CFAP47: variants seen among roughly 807,000 people sequenced by gnomAD.
The protein encoded by CFAP47 is cilia- and flagella-associated protein 47.
Under a neutral mutation model 148.1 loss-of-function variants are expected in CFAP47, and 29 were observed. The ratio of observed to expected loss-of-function variants is 0.20; its 90% CI spans 0.15 to 0.27. The LOEUF is 0.27. CFAP47 is among the 10% of genes least tolerant of loss of function. The pLI is 1.00. For missense variants in CFAP47, 1,872 were observed against 1,697.5 expected, an observed-to-expected ratio of 1.10 and a Z score of -1.81; for synonymous variants, 664 against 577.3, an observed-to-expected ratio of 1.15 and a Z score of -2.15.
At chrX:36,235,223 G>A (rs889873249) in intron 46 of CFAP47, among the ~76,000 whole-genome samples, 3 of 112,088 alleles carry the variant, frequency 2.7e-5, no homozygotes, top group Admixed American at 1.9e-4. Flanking sequence ...CCCCAGAGGT[G>A]GAGCATACAG....
At chrX:36,334,768 T>C (rs1435391520) in intron 57 of CFAP47, among the ~76,000 whole-genome samples, 3 of 111,143 alleles carry the variant, frequency 2.7e-5, no homozygotes, top group Non-Finnish European at 5.7e-5. Flanking sequence ...AAATAGTTTT[T>C]CACTTGCCTT....
At chrX:36,065,829 T>C (rs930240972) in intron 27 of CFAP47, 86 bp downstream of exon 27, 1 of 514,470 alleles carries the variant, frequency 1.9e-6, no homozygotes, top group Non-Finnish European at 3.2e-6. Context: ...TTTAAAATTA[T>C]CAGTTGTTTA....
At chrX:36,183,379 C>T (rs938683809) in intron 40 of CFAP47, among the ~76,000 whole-genome samples, 2 of 111,456 alleles carry the variant, frequency 1.8e-5, no homozygotes, top group Admixed American at 9.5e-5. Flanking sequence ...GTGTACCCTC[C>T]ACCATGATAG....
intron 45 of CFAP47, among the ~76,000 whole-genome samples, chrX:36,216,957 C>T (rs924924841): frequency 1.9e-5 from 2 of 103,143 alleles, no homozygotes; most frequent in African/African-American, 7.9e-5. Flanking sequence ...GTATTAGTTC[C>T]GTAAAGGCAG....
At chrX:35,926,203 A>C (rs1569203163) in intron 2 of CFAP47, 35 bp downstream of exon 2, 6 of 1,063,451 alleles carry the variant, frequency 5.6e-6, no homozygotes, top group Non-Finnish European at 7.7e-6. Context: ...TGACATTTTG[A>C]ATACTCTTTA....
At chrX:36,065,140 T>C (rs1265242339) in intron 26 of CFAP47, among the ~76,000 whole-genome samples, 1 of 111,919 alleles carries the variant, frequency 8.9e-6, no homozygotes, top group Admixed American at 9.5e-5. Flanking sequence ...AATGACTGTA[T>C]TTAAATATTT....
chrX:36,081,434 A>G (rs1454404891), intron 29 of CFAP47, among the ~76,000 whole-genome samples: 1 of 111,511 alleles, frequency 9.0e-6, no homozygotes, highest in Non-Finnish European at 1.9e-5. Flanking sequence ...GCTGTTAACA[A>G]TTATACTGAT....
chrX:35,969,280 T>G (rs73629583), intron 10 of CFAP47, among the ~76,000 whole-genome samples: 1,179 of 111,413 alleles, frequency 0.011, 17 homozygotes, highest in African/African-American at 0.036. Context: ...TGTTGATAAT[T>G]GTAATTTCTA....
At chrX:36,015,116 G>T (rs1246801790) in intron 22 of CFAP47, among the ~76,000 whole-genome samples, 2 of 109,996 alleles carry the variant, frequency 1.8e-5, no homozygotes, top group Admixed American at 2.0e-4. Context: ...ATAATCTCTG[G>T]CAAGCAACTT....
intron 26 of CFAP47, among the ~76,000 whole-genome samples, chrX:36,055,195 T>C (rs935237651): frequency 9.1e-6 from 1 of 110,489 alleles, no homozygotes; most frequent in East Asian, 2.8e-4. Flanking sequence ...CAGGGGTACA[T>C]GTGCAGGATG....
intron 21 of CFAP47, among the ~76,000 whole-genome samples, chrX:36,007,256 G>A (rs1198670487): frequency 2.7e-5 from 3 of 111,866 alleles, no homozygotes; most frequent in South Asian, 3.7e-4. Flanking sequence ...CTTTCATAAC[G>A]ATTATTCTAG....
In CFAP47 at chrX:35,921,793, A is replaced by G. The variant is rs757065149; in HGVS notation, c.249+1745A>G. Among the ~76,000 whole-genome samples, 143 of 104,911 alleles carry G rather than the reference A, an allele frequency of 1.4e-3. 1 individual carries two copies. Among genetic ancestry groups the G allele is most frequent in the African/African-American group, 5.3e-3 (133 of 24,888 alleles). 91.1% of individuals were successfully genotyped at this position (104,911 alleles called of 115,157 possible). A position where few individuals can be genotyped will look rare whatever the true frequency, so the allele number is the denominator to read the frequency against. On this transcript the variant is annotated intron_variant, in intron 1 of 63. Coordinates refer to ENST00000378653, the MANE Select transcript of CFAP47 (RefSeq NM_001304548.2). The stretch of plus-strand genomic sequence containing the variant: ...AAAGTGCATCTTGTTGGGGTGGGGG[A>G]TAAGAAAAAGTAAAAACAAGGTGCT...
At chrX:36,241,118 G>A (rs1940538568) in intron 48 of CFAP47, among the ~76,000 whole-genome samples, 1 of 111,477 alleles carries the variant, frequency 9.0e-6, no homozygotes, top group African/African-American at 3.3e-5. Flanking sequence ...CAACTTCTGG[G>A]GAAGGGAAGA....
At chrX:36,257,222 C>T (rs782244850) in intron 49 of CFAP47, among the ~76,000 whole-genome samples, 3 of 110,982 alleles carry the variant, frequency 2.7e-5, no homozygotes, top group Non-Finnish European at 5.7e-5. Context: ...ACTCAGTAAT[C>T]GAGTATCTTC....
intron 15 of CFAP47, among the ~76,000 whole-genome samples, chrX:35,980,434 A>G (rs952907334): frequency 4.5e-5 from 5 of 111,075 alleles, no homozygotes; most frequent in Non-Finnish European, 7.5e-5. Context: ...ATTACTTCCC[A>G]TCACAATCTT....
intron 27 of CFAP47, among the ~76,000 whole-genome samples, chrX:36,069,092 G>C (rs1937698279): frequency 9.1e-6 from 1 of 110,490 alleles, no homozygotes; most frequent in Admixed American, 9.7e-5. Context: ...CTAGATGATG[G>C]CAATTCTCAT....
intron 46 of CFAP47, 108 bp downstream of exon 46, chrX:36,228,932 T>C: frequency 2.3e-6 from 1 of 442,144 alleles, no homozygotes; most frequent in Non-Finnish European, 4.0e-6. Context: ...GACTGTCTTA[T>C]CTGCTGTCAA....
chrX:36,271,081 G>A (rs1052096337), intron 49 of CFAP47, among the ~76,000 whole-genome samples: 13 of 111,095 alleles, frequency 1.2e-4, no homozygotes, highest in African/African-American at 4.3e-4. Context: ...AAAATGAAGG[G>A]TGGAAAAAAG....
Position 36,348,279 on chromosome X carries a change from A to C in CFAP47, c.8594A>C (p.Lys2865Thr). ...GACAATTTTGATGAGTTGGATATAA[A>C]ATTTAAAAGGTAACATTTAAATAAA... ...PIDNFDELDIKFKSIVGIDSE... is the reference protein window; with the variant it reads ...PIDNFDELDITFKSIVGIDSE... The change falls in exon 58 of 64, where the codon AAA (lysine) becomes ACA (threonine). Residue 2865 changes from lysine (K) to threonine (T), a missense_variant. Lys to Thr is a moderately conservative substitution (Grantham distance 78). Coordinates refer to ENST00000378653, the MANE Select transcript of CFAP47 (RefSeq NM_001304548.2). 1 of 1,007,119 alleles carries C rather than the reference A, an allele frequency of 9.9e-7. No homozygotes were observed. The highest frequency in any genetic ancestry group is 1.3e-6 in the Non-Finnish European group (1 of 783,207). 83.0% of individuals were successfully genotyped at this position (1,007,119 alleles called of 1,213,427 possible).
Sources: gnomAD v4.1 joint callset for allele counts (sites outside exome capture counted in the v4.1 genomes callset) on GRCh38, gnomAD v4.1.1 for gene constraint, MANE v1.5 for transcripts, NCBI Gene and HGNC (gene_info 2026-07-23, HGNC 2026-07-21) for gene names.